CCDC138: variants seen among roughly 807,000 people sequenced by gnomAD.
CCDC138 encodes the protein coiled-coil domain containing 138, also known as coiled-coil domain-containing protein 138.
A neutral mutation model predicts 82.3 loss-of-function variants in CCDC138; 66 were observed. The observed-to-expected ratio is 0.80, with a 90% confidence interval of 0.66 to 0.98. The LOEUF (loss-of-function observed/expected upper bound fraction) is 0.98. Ranked by LOEUF, CCDC138 falls within the 50% of genes least tolerant of loss-of-function variation. The pLI is 0.00. For synonymous variants in CCDC138, 297 were observed against 265.4 expected (o/e 1.12, Z -1.16); for missense variants, 816 against 758.9 (o/e 1.08, Z -0.88).
At chr2:108,866,516 C>T (rs1694433989) in intron 13 of CCDC138, among the ~76,000 whole-genome samples, 1 of 152,086 alleles carries the variant, frequency 6.6e-6, no homozygotes, top group African/African-American at 2.4e-5. Context: ...TAGGATATTC[C>T]ATGTACAGGT....
chr2:108,806,706 G>C (rs981772856), intron 7 of CCDC138, among the ~76,000 whole-genome samples: 5 of 152,232 alleles, frequency 3.3e-5, no homozygotes, highest in African/African-American at 1.2e-4. Flanking sequence ...CTCCTGGCTA[G>C]ATGAATAACA....
intron 10 of CCDC138, among the ~76,000 whole-genome samples, chr2:108,829,912 A>G (rs1687270859): frequency 6.6e-6 from 1 of 152,214 alleles, no homozygotes; most frequent in African/African-American, 2.4e-5. Flanking sequence ...ATGCAGTTTT[A>G]CTTCTGGATA....
intron 10 of CCDC138, among the ~76,000 whole-genome samples, chr2:108,817,586 C>T (rs1166417929): frequency 6.6e-6 from 1 of 152,072 alleles, no homozygotes; most frequent in Non-Finnish European, 1.5e-5. Context: ...CCACCGTGCC[C>T]AGCCATCAGA....
rs754015685 is a variant in CCDC138, at chr2:108,804,893, A to G, written c.740A>G (p.His247Arg). 9.0e-6 allele frequency: 14 copies of G among 1,548,562 alleles called. No homozygotes were observed. The highest frequency in any genetic ancestry group is 2.3e-5 in the East Asian group (1 of 42,744). Residue 247 changes from histidine to arginine, a missense_variant, in exon 7 of 15, where the codon CAT (histidine) becomes CGT (arginine). His to Arg is a conservative substitution (Grantham distance 29, BLOSUM62 0). Transcript: ENST00000295124. ...LTRFQIIKEQ[H>R]DAEVEHLTEV... ...GTTTTTTTTTTCTCCTCCTAGCAGC[A>G]TGATGCAGAAGTTGAACACTTAACC...
intron 1 of CCDC138, 62 bp downstream of exon 1, chr2:108,786,977 G>T (rs373906763): frequency 5.2e-6 from 6 of 1,163,802 alleles, no homozygotes; most frequent in East Asian, 3.3e-5. Context: ...CCCGCTCCGT[G>T]CCCCGCGCAG....
chr2:108,811,603 C>G (rs1451860047), intron 7 of CCDC138, among the ~76,000 whole-genome samples: 1 of 152,030 alleles, frequency 6.6e-6, no homozygotes, highest in Non-Finnish European at 1.5e-5. Context: ...CAAAAAGCCA[C>G]TTTTCATTTT....
Position 108,812,624 on chromosome 2 carries a change from C to A in CCDC138, c.856-7C>A, listed in dbSNP as rs1684059699. ...TATTGAAATATCTAACTTTTTCTAC[C>A]CTTTAGTTAAATGAAGCAAGTGAAG... On this transcript the variant is annotated splice_polypyrimidine_tract_variant and splice_region_variant and intron_variant, in intron 7 of 14. Transcript: ENST00000295124. 1 of 1,606,144 alleles carries A rather than the reference C, an allele frequency of 6.2e-7. No homozygotes were observed. Among genetic ancestry groups the A allele is most frequent in the African/African-American group, 1.3e-5 (1 of 74,752 alleles).
chr2:108,840,925 C>G (rs948375786), intron 11 of CCDC138, among the ~76,000 whole-genome samples: 4 of 152,172 alleles, frequency 2.6e-5, no homozygotes, highest in African/African-American at 9.7e-5. Flanking sequence ...GATTCTCCTG[C>G]ATCAGCCTCC....
At chr2:108,878,964 ATGAC>A (rs1696202392), downstream of CCDC138, among the ~76,000 whole-genome samples, 1 of 152,242 alleles carries the variant, frequency 6.6e-6, no homozygotes, top group Admixed American at 6.5e-5. Context: ...AAAAAATAGA[ATGAC>A]AGGAATGTGA....
At chr2:108,786,995 G>C in intron 1 of CCDC138, 80 bp downstream of exon 1, 2 of 993,208 alleles carry the variant, frequency 2.0e-6, no homozygotes, top group Non-Finnish European at 1.4e-6. Flanking sequence ...CAGCCGGCCT[G>C]GGGGCGCGCA....
intron 2 of CCDC138, 115 bp downstream of exon 2, chr2:108,788,204 A>G (rs1434618924): frequency 9.7e-7 from 1 of 1,026,004 alleles, no homozygotes; most frequent in African/African-American, 1.7e-5. Context: ...GAATCACCTG[A>G]GGTCAGGAGT....
intron 3 of CCDC138, 31 bp downstream of exon 3, chr2:108,788,997 C>T: frequency 6.2e-7 from 1 of 1,610,718 alleles, no homozygotes; most frequent in South Asian, 1.1e-5. Context: ...ACTGTTGCTA[C>T]CCCCTCAGTA....
In CCDC138 at chr2:108,820,061, AGCAGACTTCATTAC is replaced by A. The variant is rs112368384; in HGVS notation, c.1206+3962_1206+3975del. On this transcript the variant is annotated intron_variant, in intron 10 of 14. Coordinates refer to ENST00000295124, the MANE Select transcript of CCDC138 (RefSeq NM_144978.3). ...CAATATCTGAACTATAAAAGTCAAC[AGCAGACTTCATTAC>A]GCAGAAGACATCAACACACTTGAAG... Among the ~76,000 whole-genome samples, 624 of 152,324 alleles carry A rather than the reference AGCAGACTTCATTAC, an allele frequency of 4.1e-3. 7 individuals are homozygous for A. The highest frequency in any genetic ancestry group is 0.015 in the African/African-American group (604 of 41,582).
chr2:108,827,701 A>G (rs542695348), intron 10 of CCDC138, among the ~76,000 whole-genome samples: 283 of 152,124 alleles, frequency 1.9e-3, no homozygotes, highest in Middle Eastern at 3.4e-3. Flanking sequence ...TTGTAGTCCC[A>G]GCTACTCGGG....
At chr2:108,795,589 C>G (rs1440721862) in intron 5 of CCDC138, among the ~76,000 whole-genome samples, 1 of 152,156 alleles carries the variant, frequency 6.6e-6, no homozygotes, top group African/African-American at 2.4e-5. Context: ...TCTTTAAAAC[C>G]AGTATTTCGT....
intron 10 of CCDC138, among the ~76,000 whole-genome samples, chr2:108,823,479 G>A (rs1401812008): frequency 2.0e-5 from 3 of 152,162 alleles, no homozygotes; most frequent in African/African-American, 7.2e-5. Context: ...GACTTTTTGT[G>A]CAAACATTGT....
chr2:108,870,757 T>C (rs546968007), intron 13 of CCDC138, among the ~76,000 whole-genome samples: 7 of 152,206 alleles, frequency 4.6e-5, no homozygotes, highest in Non-Finnish European at 1.0e-4. Context: ...ATTCCTCTTA[T>C]ATGAGGTGCC....
chr2:108,858,582 G>A (rs566034337), intron 13 of CCDC138, among the ~76,000 whole-genome samples: 15 of 152,254 alleles, frequency 9.9e-5, no homozygotes, highest in African/African-American at 3.1e-4. Context: ...TTATTAGAGC[G>A]AGGAAAGATT....
At chr2:108,848,866 T>C (rs901726430) in intron 12 of CCDC138, among the ~76,000 whole-genome samples, 6 of 152,208 alleles carry the variant, frequency 3.9e-5, no homozygotes, top group Non-Finnish European at 5.9e-5. Context: ...TTAATGACTT[T>C]GCTTCCCTGT....
Sources: allele counts gnomAD v4.1 joint callset (sites outside exome capture counted in the v4.1 genomes callset), GRCh38; gene constraint gnomAD v4.1.1; transcripts MANE v1.5; gene names NCBI Gene and HGNC (gene_info 2026-07-23, HGNC 2026-07-21).